BTBD9: variants seen among roughly 807,000 people sequenced by gnomAD.
The protein encoded by BTBD9 is BTB domain containing 9.
BTBD9 carries 49 observed loss-of-function variants against 64.3 expected under a neutral mutation model. The observed-to-expected ratio is 0.76, with a 90% confidence interval of 0.61 to 0.97. The LOEUF is 0.97. BTBD9 is among the 50% of genes least tolerant of loss of function. The pLI is 0.00. For missense variants in BTBD9, 598 were observed against 762.1 expected (o/e 0.78, Z 2.53); for synonymous variants, 260 against 274.7 (o/e 0.95, Z 0.53).
chr6:38,343,298 G>A (rs564879683), intron 7 of BTBD9, among the ~76,000 whole-genome samples: 1 of 152,264 alleles, frequency 6.6e-6, no homozygotes, highest in South Asian at 2.1e-4. Context: ...AACTAATCCT[G>A]AGTCTCATGC....
chr6:38,363,892 T>G (rs1338214934), intron 6 of BTBD9, among the ~76,000 whole-genome samples: 3 of 152,202 alleles, frequency 2.0e-5, no homozygotes, highest in African/African-American at 7.2e-5. Flanking sequence ...AATAAAATGT[T>G]CAGATTGCTA....
chr6:38,589,957 C>CT (rs1421201889), intron 4 of BTBD9, among the ~76,000 whole-genome samples: 1 of 152,170 alleles, frequency 6.6e-6, no homozygotes, highest in Non-Finnish European at 1.5e-5. Flanking sequence ...TTTTTTACTT[C>CT]TTTTTCTATA....
At chr6:38,326,432 T>A (rs1295794212) in intron 7 of BTBD9, among the ~76,000 whole-genome samples, 1 of 151,970 alleles carries the variant, frequency 6.6e-6, no homozygotes, top group Non-Finnish European at 1.5e-5. Flanking sequence ...TAAGAGAGCA[T>A]CCCGATAAGA....
intron 8 of BTBD9, among the ~76,000 whole-genome samples, chr6:38,267,548 C>T (rs558984795): frequency 1.1e-4 from 17 of 152,348 alleles, no homozygotes; most frequent in African/African-American, 4.1e-4. Flanking sequence ...GGAGAGCCCA[C>T]TGGATCATGC....
intron 9 of BTBD9, among the ~76,000 whole-genome samples, chr6:38,225,060 T>C (rs912771611): frequency 2.0e-5 from 3 of 152,182 alleles, no homozygotes. Flanking sequence ...GCACTTACCA[T>C]GGACAGGAAG....
chr6:38,192,445 A>T, intron 10 of BTBD9, 74 bp downstream of exon 10: 1 of 1,385,806 alleles, frequency 7.2e-7, no homozygotes. Flanking sequence ...AAACAATTCC[A>T]CTTAACTCAG....
intron 6 of BTBD9, among the ~76,000 whole-genome samples, chr6:38,418,010 A>C (rs1333945815): frequency 2.0e-5 from 3 of 152,186 alleles, no homozygotes; most frequent in Non-Finnish European, 4.4e-5. Flanking sequence ...ATGGGAAAGA[A>C]AGCAGCTGAA....
intron 6 of BTBD9, among the ~76,000 whole-genome samples, chr6:38,426,781 C>T (rs1768177303): frequency 6.6e-6 from 1 of 151,804 alleles, no homozygotes; most frequent in South Asian, 2.1e-4. Flanking sequence ...CTGCATGGCC[C>T]AAGATTCCAT....
chr6:38,216,464 G>T (rs1763012137), intron 9 of BTBD9, among the ~76,000 whole-genome samples: 1 of 152,158 alleles, frequency 6.6e-6, no homozygotes, highest in Admixed American at 6.5e-5. Flanking sequence ...AAGCATTTGG[G>T]AAACACAGGC....
chr6:38,319,903 A>G (rs945753789), intron 7 of BTBD9, among the ~76,000 whole-genome samples: 5 of 151,966 alleles, frequency 3.3e-5, no homozygotes, highest in African/African-American at 1.2e-4. Context: ...CAGCCTTTCA[A>G]GTTTATTTAG....
At chr6:38,288,045 T>A (rs1761812304) in intron 8 of BTBD9, among the ~76,000 whole-genome samples, 1 of 152,176 alleles carries the variant, frequency 6.6e-6, no homozygotes, top group South Asian at 2.1e-4. Flanking sequence ...TCTTGTCTAG[T>A]TCCTCCATGA....
At position 38,577,380 on chromosome 6, in the gene BTBD9, C is replaced by T. The variant is rs114435878; in HGVS notation, c.1154+220G>A. 4.2e-3 allele frequency among the ~76,000 whole-genome samples: 640 copies of T among 152,330 alleles called. 9 individuals carry two copies. Among genetic ancestry groups the T allele is most frequent in the African/African-American group, 0.015 (605 of 41,568 alleles). Reference sequence around the variant, plus strand: ...CATTCATTCACATGTGTACTACATACATATTATACAAGACATGTTGTATAA... The same window carrying T: ...CATTCATTCACATGTGTACTACATATATATTATACAAGACATGTTGTATAA... On this transcript the variant is annotated intron_variant, in intron 6 of 10. Transcript: ENST00000481247.
At chr6:38,597,779 C>A in intron 2 of BTBD9, 131 bp downstream of exon 2, 1 of 754,342 alleles carries the variant, frequency 1.3e-6, no homozygotes, top group Non-Finnish European at 2.1e-6. Flanking sequence ...AGGATGAAAT[C>A]TTCATAGATA....
chr6:38,625,554 G>A (rs1354074988), intron 1 of BTBD9, among the ~76,000 whole-genome samples: 1 of 152,216 alleles, frequency 6.6e-6, no homozygotes, highest in African/African-American at 2.4e-5. Context: ...CAACCTGACA[G>A]TGTTACTATT....
chr6:38,625,693 T>C (rs1400853975), intron 1 of BTBD9, among the ~76,000 whole-genome samples: 1 of 152,138 alleles, frequency 6.6e-6, no homozygotes, highest in Non-Finnish European at 1.5e-5. Context: ...GCATCATAAC[T>C]ATGACTTTTT....
chr6:38,328,965 A>AAT (rs1326550306), intron 7 of BTBD9, among the ~76,000 whole-genome samples: 2 of 103,992 alleles, frequency 1.9e-5, no homozygotes, highest in African/African-American at 4.6e-5. Context: ...AAAGAAAGAA[A>AAT]ATATGTGTGT....
At chr6:38,229,331 T>C (rs912390141) in intron 9 of BTBD9, among the ~76,000 whole-genome samples, 3 of 152,180 alleles carry the variant, frequency 2.0e-5, no homozygotes, top group Non-Finnish European at 4.4e-5. Context: ...AAGTAAAATT[T>C]TGTTAAGTGC....
At position 38,293,784 on chromosome 6, in the gene BTBD9, G is replaced by A. The variant is rs536405568; in HGVS notation, c.1265-5323C>T. Among the ~76,000 whole-genome samples the A allele has an allele frequency of 7.9e-5, 12 of 152,082 alleles. No individual in the cohort carries two copies. In the South Asian group the frequency reaches 8.3e-4, roughly 11 times the overall value. ...GGCAAAGACTTCATGACTAAAACAC[G>A]AAAAACAATGGCAACAAAAGCCAAA... is the stretch of plus-strand genomic sequence containing the variant. On this transcript the variant is annotated intron_variant, in intron 7 of 10. Coordinates refer to ENST00000481247, the MANE Select transcript of BTBD9 (RefSeq NM_001099272.2).
At chr6:38,410,706 T>C (rs1388369342) in intron 6 of BTBD9, among the ~76,000 whole-genome samples, 1 of 151,846 alleles carries the variant, frequency 6.6e-6, no homozygotes, top group African/African-American at 2.4e-5. Flanking sequence ...ACTGAATGAC[T>C]AACTTAACAA....
Sources: gnomAD v4.1 joint callset for allele counts (sites outside exome capture counted in the v4.1 genomes callset) on GRCh38, gnomAD v4.1.1 for gene constraint, MANE v1.5 for transcripts, NCBI Gene and HGNC (gene_info 2026-07-23, HGNC 2026-07-21) for gene names.